The following PRRC2B variants were observed in gnomAD, a reference collection of about 807,000 sequenced individuals.
PRRC2B encodes the protein proline rich coiled-coil 2B.
In PRRC2B, 68 loss-of-function variants were observed where a neutral mutation model predicts 242.3. That is an observed-to-expected ratio of 0.28 (90% confidence interval 0.23 to 0.34). The LOEUF (loss-of-function observed/expected upper bound fraction) is 0.34, where lower values mean the gene tolerates loss of function less well. Among genes scored for constraint, PRRC2B ranks in the 10% least tolerant of loss-of-function variants. The probability of loss-of-function intolerance (pLI) is 1.00; values close to 1 mark genes in which losing one functional copy is unlikely to be tolerated. For missense variants in PRRC2B, 2,835 were observed against 2,954.8 expected (o/e 0.96, Z 0.94); for synonymous variants, 1,228 against 1,173.6 (o/e 1.05, Z -0.95).
Position 131,476,222 on chromosome 9 carries a change from A to C in PRRC2B, c.4093A>C (p.Asn1365His). 1.2e-6 allele frequency: 2 copies of C among 1,613,414 alleles called. No homozygotes were observed. The highest frequency in any genetic ancestry group is 1.7e-6 in the Non-Finnish European group (2 of 1,179,740). Residue 1365 changes from asparagine to histidine, a missense_variant, in exon 16 of 32, where the codon AAC (asparagine) becomes CAC (histidine). Coordinates refer to ENST00000683519, the MANE Select transcript of PRRC2B (RefSeq NM_013318.4). ...GRRSPELSYQ[N>H]SSDHANEEWE... The stretch of plus-strand genomic sequence containing the variant: ...CAGGTCCCCTGAGCTCTCCTACCAG[A>C]ACTCCTCCGATCACGCCAATGAGGA...
At chr9:131,463,896 G>C (rs1049443113) in intron 11 of PRRC2B, among the ~76,000 whole-genome samples, 2 of 151,262 alleles carry the variant, frequency 1.3e-5, no homozygotes, top group African/African-American at 4.9e-5. Flanking sequence ...CCCCCACAAA[G>C]TGTAGGAATT....
At chr9:131,438,891 T>C in intron 4 of PRRC2B, 98 bp from the exon 5 acceptor site, 1 of 894,712 alleles carries the variant, frequency 1.1e-6, no homozygotes, top group Non-Finnish European at 1.8e-6. Context: ...AGGGTTTGAA[T>C]CTAAGGTGCT....
At chr9:131,474,172 A>AC (rs1943621527) in intron 15 of PRRC2B, among the ~76,000 whole-genome samples, 1 of 152,064 alleles carries the variant, frequency 6.6e-6, no homozygotes, top group Non-Finnish European at 1.5e-5. Flanking sequence ...GGCACACCGT[A>AC]CCCAGCCTGC....
rs980320002 is a variant in PRRC2B, at chr9:131,498,971, G to GT, written c.*3103dup. The GT allele has an allele frequency of 6.6e-6, 1 of 152,026 alleles. No homozygotes were observed. Among genetic ancestry groups the GT allele is most frequent in the Admixed American group, 6.6e-5 (1 of 15,258 alleles). 9.4% of individuals were successfully genotyped at this position (152,026 alleles called of 1,614,324 possible). On this transcript the variant is annotated 3_prime_UTR_variant, in exon 32 of 32. Coordinates refer to ENST00000683519, the MANE Select transcript of PRRC2B (RefSeq NM_013318.4). ...TTAACTGTTGGCTTCTCCCCACAGC[G>GT]TTTTTTGTTTTTTTTTAAACATTCA...
At chr9:131,426,118 A>C (rs1837967792) in intron 1 of PRRC2B, among the ~76,000 whole-genome samples, 1 of 152,054 alleles carries the variant, frequency 6.6e-6, no homozygotes, top group South Asian at 2.1e-4. Flanking sequence ...TGGGTGGATC[A>C]CTTGAGGCCA....
At chr9:131,447,270 G>C in intron 8 of PRRC2B, 64 bp downstream of exon 8, 1 of 1,591,332 alleles carries the variant, frequency 6.3e-7, no homozygotes, top group Non-Finnish European at 8.6e-7. Flanking sequence ...TGGTCAAGAT[G>C]AGGGGCTGAT....
chr9:131,373,928 G>T (rs1221771688), intron 1 of PRRC2B, among the ~76,000 whole-genome samples: 1 of 152,128 alleles, frequency 6.6e-6, no homozygotes, highest in Non-Finnish European at 1.5e-5. Context: ...GCGCGGTGGC[G>T]GGCGCCTGTA....
intron 17 of PRRC2B, 148 bp from the exon 18 acceptor site, chr9:131,478,326 T>C: frequency 2.6e-6 from 2 of 769,770 alleles, no homozygotes; most frequent in Non-Finnish European, 4.4e-6. Context: ...AACAATGTGT[T>C]AGATCAGAGG....
intron 1 of PRRC2B, among the ~76,000 whole-genome samples, chr9:131,377,234 C>T (rs1048220595): frequency 6.6e-6 from 1 of 152,118 alleles, no homozygotes. Context: ...TCTGCTTCAG[C>T]CTCCCAAGTA....
In PRRC2B at chr9:131,446,234, T is replaced by C. The variant is rs567494034; in HGVS notation, c.614-167T>C. ...AGTTCATCCTCATTGGCCAGGGGTC[T>C]GCCCCAACCTTCCCTGACAGATTTA... On this transcript the variant is annotated intron_variant, in intron 6 of 31. Transcript: ENST00000683519. The surrounding 1 kb of genome is among the most constrained non-coding windows in gnomAD (Gnocchi z 4.1). Among the ~76,000 whole-genome samples the C allele has an allele frequency of 1.6e-4, 24 of 152,246 alleles. No individual in the cohort carries two copies. The highest frequency in any genetic ancestry group is 2.6e-4 in the Non-Finnish European group (18 of 68,040).
chr9:131,481,552 C>A (rs1168611486), intron 19 of PRRC2B, among the ~76,000 whole-genome samples, 174 bp from the exon 20 acceptor site: 1 of 151,946 alleles, frequency 6.6e-6, no homozygotes, highest in Non-Finnish European at 1.5e-5. Flanking sequence ...ACCAGCTCTT[C>A]CACGTCAGAG....
At chr9:131,473,284 C>T (rs946507381) in intron 14 of PRRC2B, among the ~76,000 whole-genome samples, 2 of 152,178 alleles carry the variant, frequency 1.3e-5, no homozygotes, top group African/African-American at 4.8e-5. Context: ...TTCTTGCCCC[C>T]TTCCTTGGAC....
At chr9:131,488,773 CTG>C (rs567468263) in intron 28 of PRRC2B, among the ~76,000 whole-genome samples, 66 of 152,354 alleles carry the variant, frequency 4.3e-4, no homozygotes, top group African/African-American at 1.5e-3. Context: ...ACACCATAGA[CTG>C]TGCCTGACAA....
intron 1 of PRRC2B, among the ~76,000 whole-genome samples, chr9:131,398,414 C>G (rs930992308): frequency 6.6e-6 from 1 of 152,200 alleles, no homozygotes; most frequent in South Asian, 2.1e-4. Context: ...TGAAGCATTG[C>G]GTGCAGCAGG....
Position 131,465,060 on chromosome 9 carries a change from G to A in PRRC2B, c.1702G>A (p.Gly568Ser), listed in dbSNP as rs1483584195. Residue 568 changes from glycine (G) to serine (S), a missense_variant, in exon 12 of 32, where the codon GGC (glycine) becomes AGC (serine). Gly to Ser is a moderately conservative substitution (Grantham distance 56). Coordinates refer to ENST00000683519, the MANE Select transcript of PRRC2B (RefSeq NM_013318.4). ...TGAGAAGGCATCTCCCCAGGAAAACGGCCCTGCTGTCCACAAAGGTAAGAG... is the reference window on the plus strand; with the variant it reads ...TGAGAAGGCATCTCCCCAGGAAAACAGCCCTGCTGTCCACAAAGGTAAGAG... The part of the protein sequence containing the change: ...SAEKASPQEN[G>S]PAVHKGSPEF... 7 of 1,613,142 alleles carry A rather than the reference G, an allele frequency of 4.3e-6. No homozygotes were observed. The highest frequency in any genetic ancestry group is 4.5e-5 in the East Asian group (2 of 44,890).
At chr9:131,427,520 AG>A (rs1193389916) in intron 1 of PRRC2B, among the ~76,000 whole-genome samples, 1 of 152,004 alleles carries the variant, frequency 6.6e-6, no homozygotes, top group Non-Finnish European at 1.5e-5. Flanking sequence ...TTAGTAGAGA[AG>A]GGGTTTCACC....
intron 1 of PRRC2B, among the ~76,000 whole-genome samples, chr9:131,422,115 C>T (rs1354056418): frequency 6.6e-6 from 1 of 152,074 alleles, no homozygotes; most frequent in Non-Finnish European, 1.5e-5. Context: ...AGTGCAGTGG[C>T]ATGATCTTGG....
intron 23 of PRRC2B, among the ~76,000 whole-genome samples, chr9:131,484,431 A>C (rs1372744466): frequency 1.3e-5 from 2 of 152,096 alleles, no homozygotes; most frequent in East Asian, 3.9e-4. Context: ...TCTCCAGGAG[A>C]TCAGTCATGG....
At position 131,484,748 on chromosome 9, in the gene PRRC2B, T is replaced by C. The variant is rs771181306; in HGVS notation, c.5523T>C (p.Gly1841=). 1.2e-6 allele frequency: 2 copies of C among 1,612,648 alleles called. No individual in the cohort carries two copies. Among genetic ancestry groups the C allele is most frequent in the Non-Finnish European group, 1.7e-6 (2 of 1,179,314 alleles). The change falls in exon 24 of 32, where the codon GGT becomes GGC. Residue 1841 remains glycine, a synonymous_variant. Coordinates refer to ENST00000683519, the MANE Select transcript of PRRC2B (RefSeq NM_013318.4). ...ACCATCACATCCAGAGGGCCATCGG[T>C]CTCTCCCCAATGTCCTTCCCCACCG... is the stretch of plus-strand genomic sequence containing the variant. ...RRDHHIQRAI[G]LSPMSFPTAD...
Sources: gnomAD v4.1 joint callset for allele counts (sites outside exome capture counted in the v4.1 genomes callset) on GRCh38, gnomAD v4.1.1 for gene constraint, Gnocchi (gnomAD v3.1) non-coding constraint, MANE v1.5 for transcripts, NCBI Gene and HGNC (gene_info 2026-07-23, HGNC 2026-07-21) for gene names.